The following ARHGEF4 variants were observed in gnomAD, a reference collection of about 807,000 sequenced individuals.
ARHGEF4 encodes APC-stimulated guanine nucleotide exchange factor 1.
Under a neutral mutation model 162.0 loss-of-function variants are expected in ARHGEF4, and 119 were observed. That is an observed-to-expected ratio of 0.73 (90% CI 0.63 to 0.86). The LOEUF is 0.86. ARHGEF4 is among the 40% of genes least tolerant of loss of function. The probability of loss-of-function intolerance (pLI) is 0.00; values close to 1 mark genes in which losing one functional copy is unlikely to be tolerated. For synonymous variants in ARHGEF4, 1,014 were observed against 979.9 expected, an observed-to-expected ratio of 1.03 and a Z score of -0.65; for missense variants, 2,488 against 2,456.0, an observed-to-expected ratio of 1.01 and a Z score of -0.28.
rs139703179 is a variant in ARHGEF4, at chr2:130,851,353, G to A, written c.39+14361G>A. 1.2e-4 allele frequency among the ~76,000 whole-genome samples: 18 copies of A among 152,406 alleles called. No homozygotes were observed. The East Asian group carries it at 3.5e-3, about 29-fold the overall frequency. On this transcript the variant is annotated intron_variant, in intron 1 of 13. Transcript: ENST00000409359. ...GCCCTGGTTCGCATCCATCAACCAT[G>A]CAGTGCTGGTGCTCACACTGTTGTG...
At chr2:130,887,417 AAGCCT>A (rs1679589245) in intron 1 of ARHGEF4, among the ~76,000 whole-genome samples, 1 of 151,850 alleles carries the variant, frequency 6.6e-6, no homozygotes. Context: ...TAACAATATT[AAGCCT>A]AGTTTTGTTA....
At chr2:130,918,518 C>A (rs1681667653) in intron 2 of ARHGEF4, among the ~76,000 whole-genome samples, 1 of 152,220 alleles carries the variant, frequency 6.6e-6, no homozygotes, top group Admixed American at 6.5e-5. Flanking sequence ...CCGGGGAGCG[C>A]AGGCCACAGC....
At chr2:130,850,141 A>G (rs888596063) in intron 1 of ARHGEF4, among the ~76,000 whole-genome samples, 9 of 152,044 alleles carry the variant, frequency 5.9e-5, no homozygotes, top group Non-Finnish European at 1.3e-4. Flanking sequence ...AAAGCAGCCC[A>G]CGTTTCTAGG....
At chr2:131,007,030 G>A (rs531719018) in intron 4 of ARHGEF4, among the ~76,000 whole-genome samples, 70 of 152,336 alleles carry the variant, frequency 4.6e-4, no homozygotes, top group African/African-American at 1.5e-3. Context: ...ACAAGGCATA[G>A]GGTGTAGGAA....
rs563510186 is a variant in ARHGEF4 at position 131,043,454 on chromosome 2, A to G, written c.5028A>G (p.Gly1676=). The G allele has an allele frequency of 6.2e-7, 1 of 1,613,876 alleles. No homozygotes were observed. The highest frequency in any genetic ancestry group is 1.7e-5 in the Admixed American group (1 of 60,010). The stretch of plus-strand genomic sequence containing the variant: ...GGTTCTCCTTGGGATCTTCCCAGGG[A>G]GAAGATCTCTTGGTCAGGAGCTCAG... ...QWQSSIEDWE[G]EDLLVRSSEL... The change falls in exon 11 of 14, where the codon GGA becomes GGG. Residue 1676 remains glycine, a splice_region_variant and synonymous_variant. Coordinates refer to ENST00000409359, the MANE Select transcript of ARHGEF4 (RefSeq NM_001367493.1).
chr2:130,897,360 A>G (rs1172992907), intron 1 of ARHGEF4, among the ~76,000 whole-genome samples: 1 of 152,192 alleles, frequency 6.6e-6, no homozygotes, highest in African/African-American at 2.4e-5. Flanking sequence ...GAGAGAATCC[A>G]TGCAACTGTG....
chr2:130,843,445 G>C (rs1426454172), intron 1 of ARHGEF4, among the ~76,000 whole-genome samples: 1 of 152,218 alleles, frequency 6.6e-6, no homozygotes, highest in Admixed American at 6.5e-5. Flanking sequence ...AGGGGAGCCA[G>C]CTGTCTGCCA....
intron 1 of ARHGEF4, among the ~76,000 whole-genome samples, chr2:130,840,599 G>A (rs1036194681): frequency 2.6e-5 from 4 of 152,194 alleles, no homozygotes; most frequent in Admixed American, 6.5e-5. Flanking sequence ...TTCCTGCCAC[G>A]TACTGGCATG....
chr2:131,016,096 C>T lies in ARHGEF4; in HGVS notation c.3986-11849C>T, dbSNP rs1688759929. Among the ~76,000 whole-genome samples the T allele has an allele frequency of 2.6e-5, 4 of 152,126 alleles. No individual in the cohort carries two copies. In the South Asian group the frequency reaches 8.3e-4, roughly 32 times the overall value. On this transcript the variant is annotated intron_variant, in intron 4 of 13. Coordinates refer to ENST00000409359, the MANE Select transcript of ARHGEF4 (RefSeq NM_001367493.1). ...CAGTTCTTCCATGACCAGCAGCAAC[C>T]CCACCCTCTTGCTTCTGGGACTAGA...
chr2:130,869,361 G>T (rs940697687), intron 1 of ARHGEF4, among the ~76,000 whole-genome samples: 2 of 152,200 alleles, frequency 1.3e-5, no homozygotes, highest in Non-Finnish European at 2.9e-5. Flanking sequence ...GATAGATGTG[G>T]AATGGGTGAG....
Position 130,962,107 on chromosome 2 carries a change from C to T in ARHGEF4, c.3985+15472C>T, listed in dbSNP as rs1026975945. ...TACAAAAATTAGCTGGGCATGGTGG[C>T]GCGTGCCTGTAATCCCAGCTACGTG... On this transcript the variant is annotated intron_variant, in intron 4 of 13. Transcript: ENST00000409359. Among the ~76,000 whole-genome samples, 6 of 152,134 alleles carry T rather than the reference C, an allele frequency of 3.9e-5. No individual in the cohort carries two copies. In the South Asian group the frequency reaches 8.3e-4, roughly 21 times the overall value.
chr2:130,990,815 T>G (rs1686898137), intron 4 of ARHGEF4, among the ~76,000 whole-genome samples: 1 of 151,928 alleles, frequency 6.6e-6, no homozygotes, highest in Non-Finnish European at 1.5e-5. Context: ...GTGGGTTGTT[T>G]TTTCCCTTAA....
intron 2 of ARHGEF4, among the ~76,000 whole-genome samples, chr2:130,924,697 T>C (rs1276465278): frequency 6.6e-6 from 1 of 152,182 alleles, no homozygotes; most frequent in Non-Finnish European, 1.5e-5. Context: ...TACAGGATCA[T>C]GCCCCTGGCT....
intron 1 of ARHGEF4, among the ~76,000 whole-genome samples, chr2:130,896,475 G>T (rs202122699): frequency 4.9e-4 from 74 of 152,306 alleles, no homozygotes; most frequent in African/African-American, 1.7e-3. Flanking sequence ...GAAGGACATC[G>T]CAGTTCACTG....
At chr2:130,953,065 C>G (rs570890580) in intron 4 of ARHGEF4, among the ~76,000 whole-genome samples, 1 of 152,062 alleles carries the variant, frequency 6.6e-6, no homozygotes, top group Non-Finnish European at 1.5e-5. Context: ...CTTTAAAGTT[C>G]ATATGGAATC....
chr2:130,862,577 A>G (rs1367882232), intron 1 of ARHGEF4, among the ~76,000 whole-genome samples: 5 of 33,774 alleles, frequency 1.5e-4, no homozygotes, highest in South Asian at 2.6e-3. Flanking sequence ...AAGAAAAATT[A>G]TGTAAATCCG....
intron 5 of ARHGEF4, 37 bp from the exon 6 acceptor site, chr2:131,038,815 TC>T: frequency 6.4e-7 from 1 of 1,569,132 alleles, no homozygotes; most frequent in South Asian, 1.2e-5. Context: ...CCAGGCAGCC[TC>T]CCCCACTGAC....
At chr2:130,856,764 T>C (rs186835386) in intron 1 of ARHGEF4, among the ~76,000 whole-genome samples, 74 of 152,288 alleles carry the variant, frequency 4.9e-4, no homozygotes, top group African/African-American at 1.8e-3. Flanking sequence ...GTAACTAACC[T>C]GCACGTTGTG....
At chr2:130,999,417 A>G (rs922783373) in intron 4 of ARHGEF4, among the ~76,000 whole-genome samples, 28 of 152,166 alleles carry the variant, frequency 1.8e-4, no homozygotes, top group African/African-American at 5.8e-4. Flanking sequence ...TGGCCTCCCA[A>G]AGTGCTGGGA....
Sources: allele counts gnomAD v4.1 joint callset (sites outside exome capture counted in the v4.1 genomes callset), GRCh38; gene constraint gnomAD v4.1.1; transcripts MANE v1.5; gene names NCBI Gene and HGNC (gene_info 2026-07-23, HGNC 2026-07-21).